The following GREB1 variants were observed in gnomAD, a reference collection of about 807,000 sequenced individuals.
The protein encoded by GREB1 is protein GREB1.
GREB1 carries 106 observed loss-of-function variants against 200.7 expected under a neutral mutation model. That is an observed-to-expected ratio of 0.53 (90% confidence interval 0.45 to 0.62). GREB1 has a LOEUF of 0.62. GREB1 is among the 20% of genes least tolerant of loss of function. The pLI, the probability that GREB1 is intolerant of heterozygous loss-of-function variation, is 0.00. For synonymous variants in GREB1, 1,132 were observed against 1,092.4 expected, an observed-to-expected ratio of 1.04 and a Z score of -0.72; for missense variants, 2,243 against 2,556.8, an observed-to-expected ratio of 0.88 and a Z score of 2.65.
chr2:11,575,190 A>C (rs759891310), intron 4 of GREB1, among the ~76,000 whole-genome samples: 2 of 152,266 alleles, frequency 1.3e-5, no homozygotes, highest in Admixed American at 6.5e-5. Context: ...TAGACTTATC[A>C]AATGGAGAAT....
At chr2:11,521,402 G>T (rs950621929) in intron 1 of GREB1, among the ~76,000 whole-genome samples, 1 of 152,148 alleles carries the variant, frequency 6.6e-6, no homozygotes, top group African/African-American at 2.4e-5. Flanking sequence ...GAACCATTGT[G>T]CCCGGCCTAG....
Position 11,630,042 on chromosome 2 carries a change from A to G in GREB1, c.4544A>G (p.His1515Arg). Reference sequence around the variant, plus strand: ...TTCATCATCCCCAAGTCCAAGGAGCACCACTTTGTCTTCAGCCAACCTGGA... The same window carrying G: ...TTCATCATCCCCAAGTCCAAGGAGCGCCACTTTGTCTTCAGCCAACCTGGA... The part of the protein sequence containing the change: ...LHFIIPKSKE[H>R]HFVFSQPGGQ... The change falls in exon 26 of 33, where the codon CAC (histidine) becomes CGC (arginine). Residue 1515 changes from histidine to arginine, a missense_variant. His to Arg is a conservative substitution (Grantham distance 29). This residue lies in a region of GREB1 where 478 missense variants were observed against 616.3 expected (regional missense o/e 0.78). Transcript: ENST00000381486. 1 of 1,614,202 alleles carries G rather than the reference A, an allele frequency of 6.2e-7. No homozygotes were observed. Among genetic ancestry groups the G allele is most frequent in the Non-Finnish European group, 8.5e-7 (1 of 1,180,030 alleles).
chr2:11,518,853 C>A (rs150327099), intron 1 of GREB1, among the ~76,000 whole-genome samples: 11 of 150,968 alleles, frequency 7.3e-5, no homozygotes, highest in African/African-American at 2.7e-4. Flanking sequence ...AATCCCAGCA[C>A]TTTGGGAGGC....
At chr2:11,621,616 G>T (rs1472303839) in intron 23 of GREB1, among the ~76,000 whole-genome samples, 2 of 152,198 alleles carry the variant, frequency 1.3e-5, no homozygotes, top group African/African-American at 4.8e-5. Context: ...CCTCCTCCCA[G>T]TGGCTCATAA....
chr2:11,503,472 T>C (rs1273595838), intron 1 of GREB1, among the ~76,000 whole-genome samples: 1 of 152,214 alleles, frequency 6.6e-6, no homozygotes, highest in Non-Finnish European at 1.5e-5. Context: ...TTATGACAAA[T>C]GTTGCTCTGA....
intron 3 of GREB1, among the ~76,000 whole-genome samples, chr2:11,564,257 T>G (rs1677391033): frequency 1.3e-5 from 2 of 152,092 alleles, no homozygotes; most frequent in African/African-American, 2.4e-5. Flanking sequence ...GCATGATGAC[T>G]GGGAGGGGAG....
At chr2:11,489,062 G>A (rs1432943510) in intron 1 of GREB1, among the ~76,000 whole-genome samples, 1 of 152,152 alleles carries the variant, frequency 6.6e-6, no homozygotes, top group Non-Finnish European at 1.5e-5. Context: ...AATACCTGAT[G>A]AATAAATGAG....
At chr2:11,625,380 G>A in intron 24 of GREB1, 68 bp downstream of exon 24, 14 of 1,493,114 alleles carry the variant, frequency 9.4e-6, no homozygotes, top group Non-Finnish European at 1.2e-5. Context: ...GGGATGAGCT[G>A]GATTTTGTTA....
intron 32 of GREB1, among the ~76,000 whole-genome samples, chr2:11,639,967 T>C (rs1049298801): frequency 6.6e-6 from 1 of 152,004 alleles, no homozygotes; most frequent in African/African-American, 2.4e-5. Context: ...GGGTGGGGTA[T>C]GTGAGCTACC....
intron 1 of GREB1, among the ~76,000 whole-genome samples, chr2:11,527,320 A>T (rs10520085): frequency 0.015 from 2,211 of 152,346 alleles, 72 homozygotes; most frequent in African/African-American, 0.05. Flanking sequence ...ATATTTTCTC[A>T]TGGCATTAAA....
intron 1 of GREB1, among the ~76,000 whole-genome samples, chr2:11,504,634 C>G (rs1673130689): frequency 6.6e-6 from 1 of 152,194 alleles, no homozygotes; most frequent in Non-Finnish European, 1.5e-5. Context: ...TGGGTTCTTT[C>G]ACCTAGTGTA....
chr2:11,610,351 G>T (rs1682808024), intron 17 of GREB1, among the ~76,000 whole-genome samples: 1 of 152,166 alleles, frequency 6.6e-6, no homozygotes, highest in South Asian at 2.1e-4. Context: ...TGCACATTGT[G>T]CTGATAGAGA....
At chr2:11,539,211 G>A (rs1241537125) in intron 1 of GREB1, among the ~76,000 whole-genome samples, 1 of 151,588 alleles carries the variant, frequency 6.6e-6, no homozygotes, top group African/African-American at 2.4e-5. Context: ...CACCACCACA[G>A]CCAGTTAATT....
intron 1 of GREB1, among the ~76,000 whole-genome samples, chr2:11,555,532 A>C (rs1676346560): frequency 2.0e-5 from 3 of 152,244 alleles, no homozygotes; most frequent in Admixed American, 1.3e-4. Flanking sequence ...AGTCTAAAAC[A>C]ATACATCAAA....
intron 1 of GREB1, among the ~76,000 whole-genome samples, chr2:11,545,258 C>T (rs958278812): frequency 5.9e-5 from 9 of 151,886 alleles, no homozygotes; most frequent in Non-Finnish European, 1.3e-4. Flanking sequence ...CCTCAGCCTC[C>T]GAGTAGCTAG....
intron 26 of GREB1, among the ~76,000 whole-genome samples, chr2:11,631,042 G>C (rs1684835237): frequency 6.6e-6 from 1 of 152,194 alleles, no homozygotes; most frequent in South Asian, 2.1e-4. Context: ...TACCCCACGG[G>C]CTGGGGTTGG....
intron 1 of GREB1, among the ~76,000 whole-genome samples, chr2:11,529,010 A>G (rs1461548607): frequency 1.3e-5 from 2 of 152,210 alleles, no homozygotes; most frequent in South Asian, 2.1e-4. Context: ...TTTTTTGCCC[A>G]CAGTGACTTT....
intron 3 of GREB1, among the ~76,000 whole-genome samples, chr2:11,563,978 T>C (rs1677352123): frequency 1.3e-5 from 2 of 152,120 alleles, no homozygotes; most frequent in African/African-American, 4.8e-5. Context: ...TTGGGAAGGC[T>C]TCCTGGAGGA....
Position 11,524,051 on chromosome 2 carries a change from TCACA to T in GREB1, c.-158-32389_-158-32386del, listed in dbSNP as rs144358585. Among the ~76,000 whole-genome samples the T allele has an allele frequency of 5.4e-3, 817 of 150,480 alleles. 11 individuals are homozygous for T. The highest frequency in any genetic ancestry group is 0.018 in the African/African-American group (749 of 41,284). On this transcript the variant is annotated intron_variant, in intron 1 of 2. Transcript: ENST00000628795. ...GAAATGCACACACGTGCATGCACAC[TCACA>T]CACACACACACACACAGAGTACACA...
Sources: allele counts gnomAD v4.1 joint callset (sites outside exome capture counted in the v4.1 genomes callset), GRCh38; gene constraint gnomAD v4.1.1; regional missense constraint gnomAD v4.1.1; transcripts MANE v1.5; gene names NCBI Gene and HGNC (gene_info 2026-07-23, HGNC 2026-07-21).